The following ATG5 variants were observed in gnomAD, a reference collection of about 807,000 sequenced individuals.
ATG5 encodes the protein autophagy related 5.
A neutral mutation model predicts 36.5 loss-of-function variants in ATG5; 14 were observed. The observed-to-expected ratio is 0.38, with a 90% CI of 0.25 to 0.60. The LOEUF (loss-of-function observed/expected upper bound fraction) is 0.60, where lower values mean the gene tolerates loss of function less well. Ranked by LOEUF, ATG5 falls within the 20% of genes least tolerant of loss-of-function variation. The pLI is 0.60. For synonymous variants in ATG5, 95 were observed against 101.5 expected (o/e 0.94, Z 0.38); for missense variants, 195 against 326.7 (o/e 0.60, Z 3.11).
intron 7 of ATG5, among the ~76,000 whole-genome samples, chr6:106,188,687 T>C (rs1775861970): frequency 6.6e-6 from 1 of 152,186 alleles, no homozygotes; most frequent in Non-Finnish European, 1.5e-5. Context: ...ACAAGCCTAA[T>C]AAATCCCCTT....
intron 5 of ATG5, among the ~76,000 whole-genome samples, chr6:106,270,988 T>C (rs1434058642): frequency 6.6e-6 from 1 of 152,220 alleles, no homozygotes; most frequent in African/African-American, 2.4e-5. Context: ...CATATTCTTA[T>C]ACCTAAGACT....
At chr6:106,256,257 CAAAT>C (rs1451127288) in intron 5 of ATG5, among the ~76,000 whole-genome samples, 6 of 152,150 alleles carry the variant, frequency 3.9e-5, no homozygotes. Context: ...TATCCACTGA[CAAAT>C]AACACAAGCT....
At chr6:106,198,934 A>C (rs951452368) in intron 7 of ATG5, among the ~76,000 whole-genome samples, 1 of 152,214 alleles carries the variant, frequency 6.6e-6, no homozygotes, top group Non-Finnish European at 1.5e-5. Flanking sequence ...AATCCATGAA[A>C]AAAAACAAGG....
At chr6:106,262,678 G>A (rs942390918) in intron 5 of ATG5, among the ~76,000 whole-genome samples, 1 of 152,034 alleles carries the variant, frequency 6.6e-6, no homozygotes, top group Non-Finnish European at 1.5e-5. Context: ...TGTTGGGACC[G>A]GTTAGGCAGT....
chr6:106,278,357 A>G (rs1045655687), intron 5 of ATG5, among the ~76,000 whole-genome samples: 3 of 152,178 alleles, frequency 2.0e-5, no homozygotes, highest in African/African-American at 7.2e-5. Flanking sequence ...AACTGAAGTC[A>G]TTTTTCTACA....
chr6:106,213,041 A>G (rs1428381489), intron 6 of ATG5, among the ~76,000 whole-genome samples: 1 of 152,230 alleles, frequency 6.6e-6, no homozygotes. Context: ...GCATAGGTAC[A>G]ACAACGACTA....
At chr6:106,262,217 C>T (rs1626503) in intron 5 of ATG5, among the ~76,000 whole-genome samples, 13,031 of 152,164 alleles carry the variant, frequency 0.086, 589 homozygotes, top group South Asian at 0.13. Context: ...GGATTAGAGG[C>T]GTGTGCCATG....
intron 4 of ATG5, 136 bp downstream of exon 4, chr6:106,292,891 AT>A: frequency 1.5e-6 from 1 of 653,490 alleles, no homozygotes; most frequent in Middle Eastern, 3.2e-4. Flanking sequence ...TTATAGACAA[AT>A]ACTAATCGAA....
chr6:106,301,313 T>C (rs1419548742), intron 3 of ATG5, among the ~76,000 whole-genome samples: 1 of 152,094 alleles, frequency 6.6e-6, no homozygotes, highest in Non-Finnish European at 1.5e-5. Context: ...TATTGAGTAT[T>C]CATTATAAGT....
chr6:106,235,698 G>A (rs1777873795), intron 6 of ATG5, among the ~76,000 whole-genome samples: 1 of 152,044 alleles, frequency 6.6e-6, no homozygotes, highest in Non-Finnish European at 1.5e-5. Context: ...CAGCGGGAAG[G>A]ACAATGATCG....
chr6:106,307,291 T>C (rs749223333), intron 3 of ATG5, among the ~76,000 whole-genome samples: 1 of 152,236 alleles, frequency 6.6e-6, no homozygotes, highest in Non-Finnish European at 1.5e-5. Flanking sequence ...GTATTTTTCA[T>C]GTTTCATTTA....
intron 2 of ATG5, among the ~76,000 whole-genome samples, chr6:106,314,277 C>G (rs896805859): frequency 6.6e-6 from 1 of 152,150 alleles, no homozygotes; most frequent in African/African-American, 2.4e-5. Flanking sequence ...AGTAAACAGG[C>G]TGGGTGGAGT....
intron 6 of ATG5, among the ~76,000 whole-genome samples, chr6:106,239,282 A>G (rs1778017893): frequency 6.6e-6 from 1 of 152,186 alleles, no homozygotes; most frequent in African/African-American, 2.4e-5. Context: ...CTGGAAATAA[A>G]AAGAAAAATG....
chr6:106,324,409 A>G (rs954715860), intron 1 of ATG5, among the ~76,000 whole-genome samples: 2 of 152,312 alleles, frequency 1.3e-5, no homozygotes, highest in East Asian at 3.9e-4. Context: ...TTGGTATCCA[A>G]GGGAGGTCCT....
At chr6:106,195,363 G>T (rs1266480092) in intron 7 of ATG5, among the ~76,000 whole-genome samples, 1 of 152,118 alleles carries the variant, frequency 6.6e-6, no homozygotes, top group Non-Finnish European at 1.5e-5. Flanking sequence ...AACTTAAGTT[G>T]AATGCAGGTG....
At chr6:106,302,754 C>A (rs1770270523) in intron 3 of ATG5, among the ~76,000 whole-genome samples, 1 of 151,916 alleles carries the variant, frequency 6.6e-6, no homozygotes, top group Non-Finnish European at 1.5e-5. Flanking sequence ...AGAAAAACCA[C>A]TAAATGTGGA....
At chr6:106,196,071 C>T (rs557960962) in intron 7 of ATG5, among the ~76,000 whole-genome samples, 2 of 152,140 alleles carry the variant, frequency 1.3e-5, no homozygotes, top group African/African-American at 2.4e-5. Flanking sequence ...GTCTGATGTT[C>T]ATAATCACCA....
In ATG5 at chr6:106,272,161, T is replaced by A. The variant is rs143595063; in HGVS notation, c.478+7500A>T. ...TATCACCACTGGTATAGACCACTGG[T>A]CTGATATGACCACTGGTATAGACTC... On this transcript the variant is annotated intron_variant, in intron 5 of 7. Transcript: ENST00000369076. Among the ~76,000 whole-genome samples the A allele has an allele frequency of 4.2e-3, 647 of 152,356 alleles. 3 individuals carry two copies. Among genetic ancestry groups the A allele is most frequent in the Non-Finnish European group, 7.4e-3 (504 of 68,032 alleles).
intron 6 of ATG5, among the ~76,000 whole-genome samples, chr6:106,226,591 C>T (rs1252758043): frequency 1.3e-5 from 2 of 152,102 alleles, no homozygotes; most frequent in Non-Finnish European, 2.9e-5. Context: ...TATTTCTGAT[C>T]CTTCAGAAGA....
Sources: gnomAD v4.1 joint callset for allele counts (sites outside exome capture counted in the v4.1 genomes callset) on GRCh38, gnomAD v4.1.1 for gene constraint, MANE v1.5 for transcripts, NCBI Gene and HGNC (gene_info 2026-07-23, HGNC 2026-07-21) for gene names.